LPP: variants seen among roughly 807,000 people sequenced by gnomAD.
LPP encodes the protein LIM domain containing preferred translocation partner in lipoma, also known as lipoma-preferred partner.
Under a neutral mutation model 60.4 loss-of-function variants are expected in LPP, and 38 were observed. That is an observed-to-expected ratio of 0.63 (90% CI 0.49 to 0.83). LPP has a LOEUF of 0.83. LPP is among the 40% of genes least tolerant of loss of function. LPP has a pLI of 0.00. For missense variants in LPP, 902 were observed against 783.6 expected (o/e 1.15, Z -1.80); for synonymous variants, 328 against 290.8 (o/e 1.13, Z -1.30).
chr3:188,250,772 T>TTCTG (rs1344982047), intron 2 of LPP, among the ~76,000 whole-genome samples: 1 of 111,058 alleles, frequency 9.0e-6, no homozygotes, highest in African/African-American at 4.5e-5. Context: ...CTTTCTTTCT[T>TTCTG]TCTTTCTTTC....
intron 3 of LPP, among the ~76,000 whole-genome samples, chr3:188,399,256 G>A (rs1008538790): frequency 8.5e-5 from 13 of 152,132 alleles, no homozygotes; most frequent in Admixed American, 8.5e-4. Context: ...ATAATGGAGA[G>A]CCGTATAGCC....
chr3:188,258,531 G>A (rs1402153171), intron 2 of LPP, among the ~76,000 whole-genome samples: 1 of 152,164 alleles, frequency 6.6e-6, no homozygotes, highest in South Asian at 2.1e-4. Flanking sequence ...ATGTTGCCTA[G>A]GCTGGTCTCG....
chr3:188,598,738 T>C (rs1283581691), intron 6 of LPP, among the ~76,000 whole-genome samples: 1 of 152,162 alleles, frequency 6.6e-6, no homozygotes, highest in Non-Finnish European at 1.5e-5. Flanking sequence ...CATCCTCTGA[T>C]TTTTCCTTTA....
intron 2 of LPP, among the ~76,000 whole-genome samples, chr3:188,226,976 CT>C (rs533118416): frequency 2.6e-3 from 395 of 152,162 alleles, no homozygotes; most frequent in African/African-American, 9.3e-3. Flanking sequence ...TATATTCCCC[CT>C]AGCATACGTT....
intron 9 of LPP, among the ~76,000 whole-genome samples, chr3:188,818,399 C>T (rs1753048430): frequency 6.6e-6 from 1 of 152,170 alleles, no homozygotes. Context: ...CTCTCTTGAG[C>T]TATTCCCTAC....
chr3:188,835,850 C>G (rs1758321159), intron 9 of LPP, among the ~76,000 whole-genome samples: 1 of 152,154 alleles, frequency 6.6e-6, no homozygotes, highest in South Asian at 2.1e-4. Flanking sequence ...CAAGGACAAG[C>G]CTTCTGCCCA....
At chr3:188,396,193 A>G (rs1297666016) in intron 3 of LPP, among the ~76,000 whole-genome samples, 1 of 152,214 alleles carries the variant, frequency 6.6e-6, no homozygotes, top group Non-Finnish European at 1.5e-5. Flanking sequence ...ATATGTCTTA[A>G]CGTTCATCAA....
intron 2 of LPP, among the ~76,000 whole-genome samples, chr3:188,271,911 A>G (rs1451399198): frequency 1.3e-5 from 2 of 152,168 alleles, no homozygotes; most frequent in Non-Finnish European, 2.9e-5. Context: ...GGCACCCATA[A>G]TAGTCCCTTT....
chr3:188,811,390 A>G (rs1224216137), intron 9 of LPP, among the ~76,000 whole-genome samples: 1 of 151,600 alleles, frequency 6.6e-6, no homozygotes, highest in Non-Finnish European at 1.5e-5. Flanking sequence ...ACACACGCAC[A>G]CACGCTCAAA....
chr3:188,300,189 G>T (rs1175992701), intron 2 of LPP, among the ~76,000 whole-genome samples: 2 of 151,894 alleles, frequency 1.3e-5, no homozygotes, highest in Non-Finnish European at 2.9e-5. Context: ...TTTAAGAAGG[G>T]TTGTGTGTGT....
At chr3:188,272,271 T>C (rs1203021167) in intron 2 of LPP, among the ~76,000 whole-genome samples, 1 of 152,204 alleles carries the variant, frequency 6.6e-6, no homozygotes, top group Non-Finnish European at 1.5e-5. Flanking sequence ...TATTTCCAGA[T>C]TGTCTGTTTA....
At chr3:188,669,367 G>T (rs969992761) in intron 7 of LPP, among the ~76,000 whole-genome samples, 4 of 152,048 alleles carry the variant, frequency 2.6e-5, no homozygotes, top group African/African-American at 9.7e-5. Context: ...ACGAAGTCAG[G>T]AGATCGAGAC....
chr3:188,268,997 G>T (rs553249615), intron 2 of LPP, among the ~76,000 whole-genome samples: 1 of 152,272 alleles, frequency 6.6e-6, no homozygotes, highest in East Asian at 1.9e-4. Flanking sequence ...AGAATTGATG[G>T]ACCTCGAATT....
chr3:188,837,672 C>A (rs577175448), intron 9 of LPP, among the ~76,000 whole-genome samples: 2 of 152,046 alleles, frequency 1.3e-5, no homozygotes, highest in African/African-American at 2.4e-5. Flanking sequence ...AAAGCCATTA[C>A]TTGCTTTTTT....
intron 2 of LPP, among the ~76,000 whole-genome samples, chr3:188,315,291 C>G (rs1754699978): frequency 1.3e-5 from 2 of 152,020 alleles, no homozygotes; most frequent in African/African-American, 4.8e-5. Flanking sequence ...GTGTATCCAT[C>G]TTTCTGGCTA....
chr3:188,667,617 G>T (rs1856084473), intron 7 of LPP, among the ~76,000 whole-genome samples: 1 of 150,700 alleles, frequency 6.6e-6, no homozygotes, highest in Admixed American at 6.7e-5. Flanking sequence ...TATGAAGCCA[G>T]TTAGTAGAAG....
intron 3 of LPP, among the ~76,000 whole-genome samples, chr3:188,380,087 C>T (rs1311747201): frequency 6.6e-6 from 1 of 152,158 alleles, no homozygotes; most frequent in Non-Finnish European, 1.5e-5. Flanking sequence ...TAAGGTCCCC[C>T]AGGTTGGTAG....
At chr3:188,637,712 A>G (rs562280638) in intron 7 of LPP, among the ~76,000 whole-genome samples, 110 of 152,334 alleles carry the variant, frequency 7.2e-4, no homozygotes, top group African/African-American at 2.6e-3. Flanking sequence ...AATACAAACT[A>G]CCATCAGAGA....
rs1491250783 is a variant in LPP at position 188,872,624 on chromosome 3, ACT to A, written c.1590-12_1590-11del. On this transcript the variant is annotated splice_polypyrimidine_tract_variant and intron_variant, in intron 10 of 11. Coordinates refer to ENST00000617246, the MANE Select transcript of LPP (RefSeq NM_001375462.1). The stretch of plus-strand genomic sequence containing the variant: ...TGTCGACGCGCAGTATCTAACCAGA[ACT>A]CTCTCTTCACTTTCAGGAAATTTGC... 1 of 1,613,632 alleles carries A rather than the reference ACT, an allele frequency of 6.2e-7. No individual in the cohort carries two copies. The highest frequency in any genetic ancestry group is 1.3e-5 in the African/African-American group (1 of 74,876).
Sources: allele counts gnomAD v4.1 joint callset (sites outside exome capture counted in the v4.1 genomes callset), GRCh38; gene constraint gnomAD v4.1.1; transcripts MANE v1.5; gene names NCBI Gene and HGNC (gene_info 2026-07-23, HGNC 2026-07-21).